The following ABCB1 variants were observed in gnomAD, a reference collection of about 807,000 sequenced individuals.
ABCB1 encodes ATP binding cassette subfamily B member 1, also known as ATP-dependent translocase ABCB1.
In ABCB1, 69 loss-of-function variants were observed where a neutral mutation model predicts 142.0. The observed-to-expected ratio is 0.49, with a 90% CI of 0.40 to 0.59. ABCB1 has a LOEUF of 0.59. ABCB1 is among the 20% of genes least tolerant of loss of function. The probability of loss-of-function intolerance (pLI) is 0.00; values close to 1 mark genes in which losing one functional copy is unlikely to be tolerated. For missense variants in ABCB1, 1,326 were observed against 1,554.7 expected (o/e 0.85, Z 2.47); for synonymous variants, 532 against 539.2 (o/e 0.99, Z 0.18).
At chr7:87,614,859 G>A (rs978743224) in intron 1 of ABCB1, among the ~76,000 whole-genome samples, 1 of 151,496 alleles carries the variant, frequency 6.6e-6, no homozygotes, top group African/African-American at 2.4e-5. Context: ...GGTGGGGGGG[G>A]CCGGGGAACG....
chr7:87,574,728 C>T (rs1461498530), intron 4 of ABCB1, among the ~76,000 whole-genome samples: 1 of 152,204 alleles, frequency 6.6e-6, no homozygotes, highest in Non-Finnish European at 1.5e-5. Flanking sequence ...TAAAGTATTA[C>T]ATCATCTTAC....
chr7:87,655,447 G>A (rs1824000116), intron 1 of ABCB1, among the ~76,000 whole-genome samples: 1 of 152,130 alleles, frequency 6.6e-6, no homozygotes, highest in African/African-American at 2.4e-5. Flanking sequence ...GAGACATTAT[G>A]TTGAGTGAAA....
intron 3 of ABCB1, among the ~76,000 whole-genome samples, chr7:87,590,976 C>T (rs1460534089): frequency 2.6e-5 from 4 of 152,134 alleles, no homozygotes; most frequent in Non-Finnish European, 5.9e-5. Context: ...CACAGCCTGT[C>T]CAAATCCTAA....
intron 1 of ABCB1, chr7:87,627,409 C>T (rs1295958875): frequency 6.6e-6 from 1 of 152,202 alleles, no homozygotes; most frequent in Non-Finnish European, 1.5e-5. Flanking sequence ...AAAATTATGT[C>T]AAATGTGACT....
At chr7:87,685,306 T>C (rs1264981736) in intron 1 of ABCB1, among the ~76,000 whole-genome samples, 1 of 152,160 alleles carries the variant, frequency 6.6e-6, no homozygotes, top group African/African-American at 2.4e-5. Flanking sequence ...TCAAAGAAGA[T>C]ACACATATGG....
chr7:87,563,607 A>G (rs1048877756), intron 7 of ABCB1, among the ~76,000 whole-genome samples: 5 of 152,220 alleles, frequency 3.3e-5, no homozygotes, highest in Non-Finnish European at 7.3e-5. Flanking sequence ...ACATCCACTC[A>G]TGATCAAAAC....
intron 1 of ABCB1, among the ~76,000 whole-genome samples, chr7:87,615,081 C>T (rs979887591): frequency 6.6e-6 from 1 of 152,062 alleles, no homozygotes; most frequent in Non-Finnish European, 1.5e-5. Context: ...TCCTGACCCG[C>T]CCGCCTCGGC....
At chr7:87,645,299 G>T (rs1822891146) in intron 1 of ABCB1, among the ~76,000 whole-genome samples, 1 of 151,914 alleles carries the variant, frequency 6.6e-6, no homozygotes, top group Non-Finnish European at 1.5e-5. Context: ...GGCCAGGCAG[G>T]TCTTGAACTC....
intron 1 of ABCB1, among the ~76,000 whole-genome samples, chr7:87,678,354 A>G (rs888449971): frequency 6.6e-6 from 1 of 152,222 alleles, no homozygotes; most frequent in South Asian, 2.1e-4. Flanking sequence ...GCTACAGAGT[A>G]AAGGGAACTA....
At chr7:87,519,920 AC>A (rs147600670) in intron 22 of ABCB1, among the ~76,000 whole-genome samples, 4,342 of 152,288 alleles carry the variant, frequency 0.029, 213 homozygotes, top group African/African-American at 0.098. Context: ...AGGAGACCTG[AC>A]TTGAGTTGAA....
chr7:87,706,550 T>C (rs1829602157), intron 1 of ABCB1, among the ~76,000 whole-genome samples: 1 of 152,102 alleles, frequency 6.6e-6, no homozygotes, highest in African/African-American at 2.4e-5. Flanking sequence ...AAATTTAAGA[T>C]ATAAGGGAGC....
At chr7:87,504,569 G>T in intron 27 of ABCB1, 120 bp from the exon 28 acceptor site, 1 of 1,361,830 alleles carries the variant, frequency 7.3e-7, no homozygotes, top group Non-Finnish European at 1.0e-6. Flanking sequence ...AGCACTTTGG[G>T]AGGCCAAGGC....
chr7:87,530,953 A>AGAAG (rs1273664523), intron 21 of ABCB1, among the ~76,000 whole-genome samples: 1 of 151,774 alleles, frequency 6.6e-6, no homozygotes, highest in Non-Finnish European at 1.5e-5. Flanking sequence ...AAGGAAGGAA[A>AGAAG]GAAGGAAGGA....
At position 87,595,789 on chromosome 7, in the gene ABCB1, G is replaced by T. The variant is rs751270575; in HGVS notation, c.94C>A (p.Pro32Thr). Residue 32 changes from proline (P) to threonine (T), a missense_variant, in exon 3 of 28, where the codon CCA (proline) becomes ACA (threonine). By Grantham distance (38) the Pro-to-Thr change is conservative. Transcript: ENST00000622132. ...ACCATTGAAAATACACTGACAGTTG[G>T]TTTCTTTTCCTTCTTATCTTTTTCA... ...KSEKDKKEKK[P>T]TVSVFSMFRY... is the part of the protein sequence containing the mutation. 3.1e-6 allele frequency: 5 copies of T among 1,610,634 alleles called. No individual in the cohort carries two copies. The highest frequency in any genetic ancestry group is 2.2e-5 in the South Asian group (2 of 90,886).
At chr7:87,706,393 A>T (rs570361329) in intron 1 of ABCB1, among the ~76,000 whole-genome samples, 1 of 152,268 alleles carries the variant, frequency 6.6e-6, no homozygotes, top group South Asian at 2.1e-4. Context: ...CAGAGAATTT[A>T]TTGAGAAGGG....
chr7:87,560,191 C>T (rs1228790215), intron 8 of ABCB1, among the ~76,000 whole-genome samples: 1 of 152,148 alleles, frequency 6.6e-6, no homozygotes, highest in Non-Finnish European at 1.5e-5. Flanking sequence ...CAGGACTCCT[C>T]ATTTTATTAG....
At chr7:87,637,842 T>A (rs1376192593) in intron 1 of ABCB1, among the ~76,000 whole-genome samples, 1 of 152,080 alleles carries the variant, frequency 6.6e-6, no homozygotes, top group African/African-American at 2.4e-5. Flanking sequence ...GAGTGCACAG[T>A]CATGTCATTT....
At chr7:87,617,215 A>G (rs1317546308) in intron 1 of ABCB1, among the ~76,000 whole-genome samples, 2 of 152,256 alleles carry the variant, frequency 1.3e-5, no homozygotes, top group East Asian at 3.8e-4. Flanking sequence ...GAACTCATGC[A>G]TAACCAGGCA....
chr7:87,661,966 A>G (rs752007779), intron 1 of ABCB1, among the ~76,000 whole-genome samples: 11 of 151,994 alleles, frequency 7.2e-5, no homozygotes, highest in Non-Finnish European at 1.6e-4. Flanking sequence ...GAAATAATAT[A>G]TCATTGTACT....
Sources: gnomAD v4.1 joint callset for allele counts (sites outside exome capture counted in the v4.1 genomes callset) on GRCh38, gnomAD v4.1.1 for gene constraint, MANE v1.5 for transcripts, NCBI Gene and HGNC (gene_info 2026-07-23, HGNC 2026-07-21) for gene names.